The following NKAIN2 variants were observed in gnomAD, a reference collection of about 807,000 sequenced individuals.
NKAIN2 encodes the protein sodium/potassium-transporting ATPase subunit beta-1-interacting protein 2.
NKAIN2 carries 14 observed loss-of-function variants against 32.6 expected under a neutral mutation model. That is an observed-to-expected ratio of 0.43 (90% CI 0.28 to 0.67). The LOEUF (loss-of-function observed/expected upper bound fraction) is 0.67. Ranked by LOEUF, NKAIN2 falls within the 30% of genes least tolerant of loss-of-function variation. The probability of loss-of-function intolerance (pLI) is 0.17; values close to 1 mark genes in which losing one functional copy is unlikely to be tolerated. For missense variants in NKAIN2, 198 were observed against 258.3 expected (o/e 0.77, Z 1.60); for synonymous variants, 80 against 87.2 (o/e 0.92, Z 0.46).
intron 3 of NKAIN2, among the ~76,000 whole-genome samples, chr6:124,525,811 T>G (rs1779290288): frequency 6.6e-6 from 1 of 152,132 alleles, no homozygotes; most frequent in Non-Finnish European, 1.5e-5. Flanking sequence ...TGAAAAAATG[T>G]TAAGGACGTA....
chr6:124,400,065 T>C (rs1444095673), intron 3 of NKAIN2, among the ~76,000 whole-genome samples: 1 of 152,160 alleles, frequency 6.6e-6, no homozygotes, highest in Non-Finnish European at 1.5e-5. Context: ...TTCTTCCTAA[T>C]TGACTGCACT....
At chr6:124,175,076 A>G (rs1471494160) in intron 1 of NKAIN2, among the ~76,000 whole-genome samples, 1 of 152,184 alleles carries the variant, frequency 6.6e-6, no homozygotes. Context: ...ATAAATAGAA[A>G]GTGTGTTTTT....
At chr6:124,386,094 A>T (rs905629542) in intron 3 of NKAIN2, among the ~76,000 whole-genome samples, 3 of 152,090 alleles carry the variant, frequency 2.0e-5, no homozygotes, top group African/African-American at 4.8e-5. Context: ...AGATTAGAAA[A>T]CAGAAAGAAG....
At chr6:124,781,680 C>T (rs1286795298) in intron 4 of NKAIN2, among the ~76,000 whole-genome samples, 3 of 151,816 alleles carry the variant, frequency 2.0e-5, no homozygotes, top group South Asian at 2.1e-4. Context: ...CTATGAGCTA[C>T]GTAGAAAGAA....
At chr6:123,923,824 G>A (rs1156963808) in intron 1 of NKAIN2, among the ~76,000 whole-genome samples, 6 of 148,676 alleles carry the variant, frequency 4.0e-5, no homozygotes, top group Non-Finnish European at 8.9e-5. Flanking sequence ...ATAGCATTGG[G>A]AGATATACCT....
chr6:124,639,852 G>A (rs2114349592), intron 3 of NKAIN2, among the ~76,000 whole-genome samples: 1 of 152,182 alleles, frequency 6.6e-6, no homozygotes, highest in Non-Finnish European at 1.5e-5. Flanking sequence ...AGGATAGGGA[G>A]AGGTTGGTTA....
chr6:124,195,813 T>C (rs1334824642), intron 1 of NKAIN2, among the ~76,000 whole-genome samples: 3 of 152,102 alleles, frequency 2.0e-5, no homozygotes, highest in Non-Finnish European at 4.4e-5. Context: ...TTGCGGTGTT[T>C]TTTAAATATT....
chr6:124,350,117 G>C (rs1290675807), intron 2 of NKAIN2, among the ~76,000 whole-genome samples: 1 of 152,148 alleles, frequency 6.6e-6, no homozygotes, highest in Non-Finnish European at 1.5e-5. Context: ...TCTAGCAATT[G>C]TGATACTTTA....
intron 1 of NKAIN2, among the ~76,000 whole-genome samples, chr6:124,081,292 G>A (rs1257920130): frequency 6.6e-6 from 1 of 151,882 alleles, no homozygotes; most frequent in Non-Finnish European, 1.5e-5. Flanking sequence ...ATAAAACATG[G>A]TATTTCTGTT....
chr6:124,576,666 G>A (rs1781347142), intron 3 of NKAIN2, among the ~76,000 whole-genome samples: 1 of 149,980 alleles, frequency 6.7e-6, no homozygotes, highest in Non-Finnish European at 1.5e-5. Context: ...AATTATGCCA[G>A]ATAGACCAAT....
intron 5 of NKAIN2, among the ~76,000 whole-genome samples, chr6:124,809,929 A>G (rs1407742302): frequency 6.6e-6 from 1 of 152,170 alleles, no homozygotes; most frequent in Non-Finnish European, 1.5e-5. Flanking sequence ...CAAAACCACA[A>G]TGAGATATCA....
At chr6:124,129,111 A>C (rs1358493544) in intron 1 of NKAIN2, among the ~76,000 whole-genome samples, 3 of 152,208 alleles carry the variant, frequency 2.0e-5, no homozygotes, top group Admixed American at 1.3e-4. Flanking sequence ...ATTGACTTTA[A>C]GATAGAATTG....
rs541396451 is a variant in NKAIN2 at position 124,606,317 on chromosome 6, A to AT, written c.274-51862dup. Among the ~76,000 whole-genome samples the AT allele has an allele frequency of 1.8e-4, 27 of 151,832 alleles. No individual in the cohort carries two copies. In the South Asian group the frequency reaches 2.9e-3, roughly 16 times the overall value. On this transcript the variant is annotated intron_variant, in intron 3 of 6. Coordinates refer to ENST00000368417, the MANE Select transcript of NKAIN2 (RefSeq NM_001040214.3). Reference sequence around the variant, plus strand: ...TTTTTTCAAATTTCATGTCAACCACATTTTTTTCCCAAAGGAGAATGTCTT... The same window carrying AT: ...TTTTTTCAAATTTCATGTCAACCACATTTTTTTTCCCAAAGGAGAATGTCTT...
chr6:123,972,560 T>G (rs556530180), intron 1 of NKAIN2, among the ~76,000 whole-genome samples: 1 of 152,316 alleles, frequency 6.6e-6, no homozygotes, highest in Admixed American at 6.5e-5. Flanking sequence ...GAAAATCTTA[T>G]AATTGAACAG....
chr6:123,929,331 T>G (rs1180706476), intron 1 of NKAIN2, among the ~76,000 whole-genome samples: 4 of 152,118 alleles, frequency 2.6e-5, no homozygotes, highest in Admixed American at 1.3e-4. Context: ...GGATAAATAC[T>G]CAACCTCCCT....
chr6:123,851,926 A>AT (rs1267711794), intron 1 of NKAIN2, among the ~76,000 whole-genome samples: 3 of 151,402 alleles, frequency 2.0e-5, no homozygotes, highest in East Asian at 1.9e-4. Flanking sequence ...TTTTATTTTT[A>AT]TTTTTTTTGC....
rs1002690943 is a variant in NKAIN2, at chr6:124,011,088, T to C, written c.54+206834T>C. ...AAGATTCTATAGAAGATGCCCTTAC[T>C]CTATGTTTTAATATCCAACTATTTG... On this transcript the variant is annotated intron_variant, in intron 1 of 6. Transcript: ENST00000368417. Among the ~76,000 whole-genome samples, 4 of 152,194 alleles carry C rather than the reference T, an allele frequency of 2.6e-5. No individual in the cohort carries two copies. The South Asian group carries it at 8.3e-4, about 32-fold the overall frequency.
chr6:124,275,350 A>G (rs2626095), intron 1 of NKAIN2, among the ~76,000 whole-genome samples: 25,103 of 152,128 alleles, frequency 0.17, 4,299 homozygotes, highest in African/African-American at 0.44. Context: ...TATATTAAGA[A>G]ATGCCATGTA....
chr6:124,750,249 C>A (rs1488780981), intron 4 of NKAIN2, among the ~76,000 whole-genome samples: 1 of 151,892 alleles, frequency 6.6e-6, no homozygotes, highest in African/African-American at 2.4e-5. Flanking sequence ...CCTCATTTTT[C>A]CTCCAGGCTT....
Sources: gnomAD v4.1 joint callset for allele counts (sites outside exome capture counted in the v4.1 genomes callset) on GRCh38, gnomAD v4.1.1 for gene constraint, MANE v1.5 for transcripts, NCBI Gene and HGNC (gene_info 2026-07-23, HGNC 2026-07-21) for gene names.